The following NYAP2 variants were observed in gnomAD, a reference collection of about 807,000 sequenced individuals.
The protein encoded by NYAP2 is neuronal tyrosine-phosphorylated phosphoinositide-3-kinase adaptor 2.
In NYAP2, 23 loss-of-function variants were observed where a neutral mutation model predicts 50.4. The observed-to-expected ratio is 0.46, with a 90% CI of 0.33 to 0.65. The LOEUF is 0.65. Ranked by LOEUF, NYAP2 falls within the 30% of genes least tolerant of loss-of-function variation. The pLI, the probability that NYAP2 is intolerant of heterozygous loss-of-function variation, is 0.02. For synonymous variants in NYAP2, 394 were observed against 365.2 expected (o/e 1.08, Z -0.90); for missense variants, 885 against 861.0 (o/e 1.03, Z -0.35).
intron 5 of NYAP2, among the ~76,000 whole-genome samples, chr2:225,584,875 A>T (rs561304956): frequency 6.6e-6 from 1 of 152,368 alleles, no homozygotes; most frequent in East Asian, 1.9e-4. Flanking sequence ...TAAAACTAGG[A>T]ACAATCTATT....
At chr2:225,478,470 G>T (rs1344424475) in intron 3 of NYAP2, among the ~76,000 whole-genome samples, 1 of 152,162 alleles carries the variant, frequency 6.6e-6, no homozygotes, top group East Asian at 1.9e-4. Flanking sequence ...TGATAATCAA[G>T]AAGTATATGG....
intron 3 of NYAP2, among the ~76,000 whole-genome samples, chr2:225,483,709 G>C (rs1198220188): frequency 6.6e-6 from 1 of 152,132 alleles, no homozygotes; most frequent in African/African-American, 2.4e-5. Flanking sequence ...AGAATGGAAA[G>C]TTTTGTTTAT....
chr2:225,418,679 A>G (rs1695164833), intron 3 of NYAP2, among the ~76,000 whole-genome samples: 2 of 152,188 alleles, frequency 1.3e-5, no homozygotes, highest in South Asian at 4.1e-4. Context: ...TAGGATTTCA[A>G]TGATTTGTTG....
Position 225,582,735 on chromosome 2 carries a change from G to T in NYAP2, c.1318G>T (p.Val440Phe), listed in dbSNP as rs551391208. The T allele has an allele frequency of 6.2e-7, 1 of 1,610,664 alleles. No individual in the cohort carries two copies. Among genetic ancestry groups the T allele is most frequent in the East Asian group, 2.2e-5 (1 of 44,700 alleles). ...AAGTCACTCCACCTCTCCCTCCCCC[G>T]TCAGCATGGGGAGGTCCCTGACTCC... The change falls in exon 5 of 7, where the codon GTC becomes TTC. Residue 440 changes from valine (V) to phenylalanine (F), a missense_variant. Val to Phe is a conservative substitution (Grantham distance 50). Coordinates refer to ENST00000636099, the Ensembl canonical transcript of NYAP2. The surrounding 1 kb of genome is among the most constrained non-coding windows in gnomAD (Gnocchi z 7.0).
chr2:225,505,246 GAAA>G (rs1418987125), intron 3 of NYAP2, among the ~76,000 whole-genome samples: 1 of 151,996 alleles, frequency 6.6e-6, no homozygotes, highest in Non-Finnish European at 1.5e-5. Flanking sequence ...ATTAATGTCT[GAAA>G]AAAACTAGGA....
intron 6 of NYAP2, among the ~76,000 whole-genome samples, chr2:225,634,475 A>T (rs1367890329): frequency 1.3e-5 from 2 of 152,166 alleles, no homozygotes; most frequent in Non-Finnish European, 2.9e-5. Context: ...TTTATGATTC[A>T]GTCCTTCATA....
chr2:225,697,188 C>T, the NYAP2 span, among the ~76,000 whole-genome samples: 1 of 151,904 alleles, frequency 6.6e-6, no homozygotes, highest in Non-Finnish European at 1.5e-5. Flanking sequence ...TACTGGTAGA[C>T]ATGGTGCCAC....
At chr2:225,568,916 A>T (rs182474614) in intron 4 of NYAP2, among the ~76,000 whole-genome samples, 1 of 152,318 alleles carries the variant, frequency 6.6e-6, no homozygotes, top group Non-Finnish European at 1.5e-5. Context: ...CCTGAAAATC[A>T]ACTAAAAAAA....
chr2:225,596,544 A>G (rs1280913624), intron 5 of NYAP2, among the ~76,000 whole-genome samples: 2 of 152,144 alleles, frequency 1.3e-5, no homozygotes, highest in Non-Finnish European at 2.9e-5. Context: ...GTAAATTTCC[A>G]TGGTCCCTGT....
At chr2:225,674,387 T>C in the NYAP2 span, among the ~76,000 whole-genome samples, 2 of 152,124 alleles carry the variant, frequency 1.3e-5, no homozygotes, top group African/African-American at 4.8e-5. Flanking sequence ...GAGTTTAACA[T>C]CCCTTTATCT....
intron 6 of NYAP2, among the ~76,000 whole-genome samples, chr2:225,648,091 C>T (rs1032175030): frequency 5.3e-5 from 8 of 152,140 alleles, no homozygotes; most frequent in Non-Finnish European, 1.0e-4. Context: ...ACCTCTGCCT[C>T]CCAGGTTCAA....
At chr2:225,640,032 G>T (rs1346192310) in intron 6 of NYAP2, among the ~76,000 whole-genome samples, 3 of 152,118 alleles carry the variant, frequency 2.0e-5, no homozygotes, top group East Asian at 3.9e-4. Flanking sequence ...CATGACTCGG[G>T]TCTTACCTGA....
chr2:225,514,054 T>A (rs1270128730), intron 4 of NYAP2, among the ~76,000 whole-genome samples: 2 of 152,222 alleles, frequency 1.3e-5, no homozygotes, highest in African/African-American at 4.8e-5. Flanking sequence ...AAAAAGCTTA[T>A]AATCATTTTT....
At chr2:225,636,346 A>G (rs1693414407) in intron 6 of NYAP2, among the ~76,000 whole-genome samples, 1 of 152,138 alleles carries the variant, frequency 6.6e-6, no homozygotes, top group Non-Finnish European at 1.5e-5. Context: ...TAATATATCT[A>G]CATAATTTCT....
intron 3 of NYAP2, among the ~76,000 whole-genome samples, chr2:225,464,377 G>A (rs1253409493): frequency 6.6e-6 from 1 of 152,154 alleles, no homozygotes; most frequent in Non-Finnish European, 1.5e-5. Flanking sequence ...CCCATTTCAT[G>A]AAACCTGGGG....
At chr2:225,574,745 T>C (rs1692141749) in intron 4 of NYAP2, among the ~76,000 whole-genome samples, 1 of 152,212 alleles carries the variant, frequency 6.6e-6, no homozygotes, top group Non-Finnish European at 1.5e-5. Context: ...CTTAAGGCTA[T>C]GGTCAGTGCA....
intron 4 of NYAP2, among the ~76,000 whole-genome samples, chr2:225,544,536 G>T (rs1691535667): frequency 6.6e-6 from 1 of 151,870 alleles, no homozygotes; most frequent in Non-Finnish European, 1.5e-5. Flanking sequence ...ACTGAAAAAA[G>T]AAAACTTTCT....
intron 4 of NYAP2, among the ~76,000 whole-genome samples, chr2:225,548,210 T>A (rs1313294508): frequency 1.3e-5 from 2 of 151,632 alleles, no homozygotes. Context: ...TAACATTATT[T>A]GTGACATTTC....
chr2:225,543,632 ATAT>A (rs1175706917), intron 4 of NYAP2, among the ~76,000 whole-genome samples: 1 of 151,978 alleles, frequency 6.6e-6, no homozygotes, highest in African/African-American at 2.4e-5. Flanking sequence ...AAAATGCTAG[ATAT>A]TATTTCAATT....
Sources: gnomAD v4.1 joint callset for allele counts (sites outside exome capture counted in the v4.1 genomes callset) on GRCh38, gnomAD v4.1.1 for gene constraint, Gnocchi (gnomAD v3.1) non-coding constraint, MANE v1.5 for transcripts, NCBI Gene and HGNC (gene_info 2026-07-23, HGNC 2026-07-21) for gene names.